Variants in COLEC12 observed in about 807,000 individuals in gnomAD.
The protein encoded by COLEC12 is collectin subfamily member 12.
COLEC12 carries 33 observed loss-of-function variants against 71.1 expected under a neutral mutation model. The ratio of observed to expected loss-of-function variants is 0.46; its 90% CI spans 0.35 to 0.62. COLEC12 has a LOEUF of 0.62. Ranked by LOEUF, COLEC12 falls within the 20% of genes least tolerant of loss-of-function variation. The pLI is 0.00. For missense variants in COLEC12, 765 were observed against 916.1 expected, an observed-to-expected ratio of 0.84 and a Z score of 2.13; for synonymous variants, 350 against 353.0, an observed-to-expected ratio of 0.99 and a Z score of 0.10.
chr18:418,057 G>A (rs1916024066), intron 2 of COLEC12, among the ~76,000 whole-genome samples: 1 of 152,168 alleles, frequency 6.6e-6, no homozygotes, highest in African/African-American at 2.4e-5. Flanking sequence ...AGAAATGGCA[G>A]GATTCAGAGT....
chr18:493,641 T>G (rs979770270), intron 1 of COLEC12, among the ~76,000 whole-genome samples: 1 of 152,222 alleles, frequency 6.6e-6, no homozygotes, highest in African/African-American at 2.4e-5. Context: ...ATTTTATTCA[T>G]TTTATTTGGC....
At chr18:446,554 ATTTTT>A (rs11308085) in intron 2 of COLEC12, among the ~76,000 whole-genome samples, 1 of 130,462 alleles carries the variant, frequency 7.7e-6, no homozygotes, top group Non-Finnish European at 1.6e-5. Flanking sequence ...AAAAAAAAAA[ATTTTT>A]TTTTTTTTTT....
rs16945087 is a variant in COLEC12 at position 475,172 on chromosome 18, T to C, written c.58+5535A>G. 6.0e-3 allele frequency among the ~76,000 whole-genome samples: 911 copies of C among 152,320 alleles called. 7 individuals carry two copies. The highest frequency in any genetic ancestry group is 0.021 in the African/African-American group (870 of 41,572). The stretch of plus-strand genomic sequence containing the variant: ...TCCCCTTAACTTGATGCAAATGGTT[T>C]TGGACATTTCAAAGAAACCCCACCA... On this transcript the variant is annotated intron_variant, in intron 2 of 9. Transcript: ENST00000400256.
chr18:478,845 GCTCT>G (rs772602460), intron 2 of COLEC12, among the ~76,000 whole-genome samples: 5 of 150,630 alleles, frequency 3.3e-5, no homozygotes, highest in Admixed American at 2.7e-4. Context: ...CTCTGTTTGT[GCTCT>G]CTAATATTTG....
intron 2 of COLEC12, among the ~76,000 whole-genome samples, chr18:416,947 G>C (rs573850550): frequency 4.9e-4 from 75 of 151,876 alleles, no homozygotes; most frequent in Non-Finnish European, 9.9e-4. Context: ...CATGGGCAAG[G>C]GCATGGATGT....
At chr18:414,131 G>A (rs2143641075) in intron 2 of COLEC12, among the ~76,000 whole-genome samples, 1 of 152,304 alleles carries the variant, frequency 6.6e-6, no homozygotes, top group African/African-American at 2.4e-5. Flanking sequence ...ACCACTGGGA[G>A]GAACTGGGTA....
In COLEC12 at chr18:319,341, A is replaced by C. The variant is rs12956715; in HGVS notation, c.*704T>G. ...AACATTAAAAAAAAAAAAAAAAAAA[A>C]ATATATATATATATATATATATACA... On this transcript the variant is annotated 3_prime_UTR_variant, in exon 10 of 10. Coordinates refer to ENST00000400256, the MANE Select transcript of COLEC12 (RefSeq NM_130386.3). 1.5e-5 allele frequency: 1 copy of C among 67,196 alleles called. No homozygotes were observed. Among genetic ancestry groups the C allele is most frequent in the East Asian group, 4.1e-4 (1 of 2,454 alleles). The allele number at this position is 67,196 out of a possible 1,614,324, so 4.2% of individuals were successfully genotyped here.
At chr18:356,799 C>A (rs565576307) in intron 3 of COLEC12, among the ~76,000 whole-genome samples, 1 of 152,290 alleles carries the variant, frequency 6.6e-6, no homozygotes, top group South Asian at 2.1e-4. Flanking sequence ...AGGCAAAAAT[C>A]CTGCCCTTAC....
chr18:417,592 C>T (rs533319683), intron 2 of COLEC12, among the ~76,000 whole-genome samples: 3 of 152,296 alleles, frequency 2.0e-5, no homozygotes, highest in East Asian at 1.9e-4. Context: ...TTATCTTGCC[C>T]TACCTTCTGG....
intron 1 of COLEC12, among the ~76,000 whole-genome samples, chr18:485,913 A>G (rs562259319): frequency 2.0e-5 from 3 of 152,354 alleles, no homozygotes; most frequent in African/African-American, 7.2e-5. Context: ...ATGGAAAGCC[A>G]TTTAAAGACA....
intron 2 of COLEC12, among the ~76,000 whole-genome samples, chr18:430,456 T>C (rs989203849): frequency 1.3e-5 from 2 of 152,216 alleles, no homozygotes; most frequent in Non-Finnish European, 2.9e-5. Context: ...CAGAGTTCTT[T>C]CCTAATTATT....
chr18:463,970 C>A (rs969028217), intron 2 of COLEC12, among the ~76,000 whole-genome samples: 3 of 152,184 alleles, frequency 2.0e-5, no homozygotes, highest in African/African-American at 7.2e-5. Flanking sequence ...TACAGCTCCA[C>A]CCCCAGCCCG....
Position 500,429 on chromosome 18 carries a change from GAGGCA to G in COLEC12, c.7+74_7+78del. On this transcript the variant is annotated intron_variant, in intron 1 of 9. Coordinates refer to ENST00000400256, the MANE Select transcript of COLEC12 (RefSeq NM_130386.3). The surrounding 1 kb of genome is among the most constrained non-coding windows in gnomAD (Gnocchi z 5.3). Reference sequence around the variant, plus strand: ...GCAGCCCAAGGGAAGGTTCGCGCGGGAGGCACCTCCGTGGCCTCCCGCGCGCCCCG... The same window carrying G: ...GCAGCCCAAGGGAAGGTTCGCGCGGGCCTCCGTGGCCTCCCGCGCGCCCCG... 1 of 959,008 alleles carries G rather than the reference GAGGCA, an allele frequency of 1.0e-6. No homozygotes were observed. Among genetic ancestry groups the G allele is most frequent in the Non-Finnish European group, 1.3e-6 (1 of 763,314 alleles). 59.4% of individuals were successfully genotyped at this position (959,008 alleles called of 1,614,324 possible). A position where few individuals can be genotyped will look rare whatever the true frequency, so the allele number is the denominator to read the frequency against.
At chr18:372,632 G>A (rs552026924) in intron 2 of COLEC12, among the ~76,000 whole-genome samples, 2 of 152,216 alleles carry the variant, frequency 1.3e-5, no homozygotes, top group Admixed American at 1.3e-4. Context: ...TGCCCCGGCT[G>A]GTCTCAAACT....
intron 2 of COLEC12, among the ~76,000 whole-genome samples, chr18:389,254 A>ATT (rs35325003): frequency 1.7e-4 from 24 of 141,854 alleles, no homozygotes; most frequent in Non-Finnish European, 2.3e-4. Flanking sequence ...CTGTGCAGCA[A>ATT]TTTTTTTTTT....
intron 2 of COLEC12, chr18:423,762 T>G (rs1567903812): frequency 6.6e-6 from 1 of 152,282 alleles, no homozygotes; most frequent in Non-Finnish European, 1.5e-5. Flanking sequence ...TTTTTTGTTT[T>G]GTTTTTTTTT....
intron 1 of COLEC12, among the ~76,000 whole-genome samples, chr18:484,146 G>A (rs1415915263): frequency 6.6e-6 from 1 of 152,204 alleles, no homozygotes; most frequent in Non-Finnish European, 1.5e-5. Context: ...TTGTTTGTTT[G>A]TTTGTTTTCG....
chr18:498,251 T>C (rs1396505167), intron 1 of COLEC12, among the ~76,000 whole-genome samples: 1 of 152,082 alleles, frequency 6.6e-6, no homozygotes, highest in Non-Finnish European at 1.5e-5. Context: ...TAGTAGGTAC[T>C]AAAAAATTAT....
intron 2 of COLEC12, among the ~76,000 whole-genome samples, chr18:403,207 T>C (rs1186115202): frequency 6.6e-6 from 1 of 152,218 alleles, no homozygotes; most frequent in Non-Finnish European, 1.5e-5. Flanking sequence ...ATTTTCTCCA[T>C]GGTTTGTTAC....
Sources: allele counts gnomAD v4.1 joint callset (sites outside exome capture counted in the v4.1 genomes callset), GRCh38; gene constraint gnomAD v4.1.1; non-coding constraint Gnocchi (gnomAD v3.1); transcripts MANE v1.5; gene names NCBI Gene and HGNC (gene_info 2026-07-23, HGNC 2026-07-21).